HDAC9: variants seen among roughly 807,000 people sequenced by gnomAD.
HDAC9 encodes the protein MEF-2 interacting transcription repressor (MITR) protein.
Under a neutral mutation model 139.4 loss-of-function variants are expected in HDAC9, and 41 were observed. The ratio of observed to expected loss-of-function variants is 0.29; its 90% CI spans 0.23 to 0.38. The LOEUF (loss-of-function observed/expected upper bound fraction) is 0.38, where lower values mean the gene tolerates loss of function less well. HDAC9 is among the 10% of genes least tolerant of loss of function. The pLI, the probability that HDAC9 is intolerant of heterozygous loss-of-function variation, is 1.00. For missense variants in HDAC9, 1,147 were observed against 1,297.0 expected (o/e 0.88, Z 1.78); for synonymous variants, 517 against 476.2 (o/e 1.09, Z -1.12).
At chr7:18,549,497 A>C (rs1001874154) in intron 2 of HDAC9, among the ~76,000 whole-genome samples, 1 of 152,212 alleles carries the variant, frequency 6.6e-6, no homozygotes, top group African/African-American at 2.4e-5. Flanking sequence ...CTGTTGATAC[A>C]GACAACAGCT....
intron 2 of HDAC9, among the ~76,000 whole-genome samples, chr7:18,500,574 C>T (rs1798100748): frequency 6.6e-6 from 1 of 152,136 alleles, no homozygotes; most frequent in Admixed American, 6.6e-5. Flanking sequence ...ATTCCCAAAT[C>T]TGAAGAGAAG....
chr7:18,149,758 G>A (rs1203165782), intron 1 of HDAC9, among the ~76,000 whole-genome samples: 2 of 151,944 alleles, frequency 1.3e-5, no homozygotes, highest in African/African-American at 4.8e-5. Context: ...GTTTCACTGT[G>A]TTAGCCAGGA....
intron 6 of HDAC9, among the ~76,000 whole-genome samples, chr7:18,626,782 C>A (rs1232462088): frequency 6.6e-6 from 1 of 152,134 alleles, no homozygotes; most frequent in Admixed American, 6.6e-5. Context: ...CCTTAAAAAT[C>A]ATTTCTTTCT....
At chr7:18,778,894 G>C (rs1479041383) in intron 16 of HDAC9, among the ~76,000 whole-genome samples, 1 of 152,110 alleles carries the variant, frequency 6.6e-6, no homozygotes, top group South Asian at 2.1e-4. Flanking sequence ...GGAGCTGCCA[G>C]AAAGCAGTTG....
rs142364288 is a variant in HDAC9, at chr7:18,657,433, A to C, written c.1467+8750A>C. ...TCAATGATTAGCAAAGAAAATAAGG[A>C]TGCCTTTCCACACTGTGCCTCTATT... On this transcript the variant is annotated intron_variant, in intron 11 of 25. Transcript: ENST00000686413. Among the ~76,000 whole-genome samples the C allele has an allele frequency of 6.0e-3, 913 of 152,254 alleles. 7 individuals are homozygous for C. The highest frequency in any genetic ancestry group is 0.021 in the African/African-American group (877 of 41,558).
At chr7:18,106,015 G>A (rs1415020926) in intron 1 of HDAC9, among the ~76,000 whole-genome samples, 2 of 152,148 alleles carry the variant, frequency 1.3e-5, no homozygotes, top group African/African-American at 4.8e-5. Context: ...ATAGGAAATA[G>A]CCAAAGACTA....
intron 12 of HDAC9, among the ~76,000 whole-genome samples, chr7:18,700,048 G>A (rs1229881116): frequency 6.6e-6 from 1 of 151,970 alleles, no homozygotes; most frequent in African/African-American, 2.4e-5. Flanking sequence ...ACCTGTTTAC[G>A]AAAATTAGTC....
chr7:18,691,095 G>T (rs1041559069), intron 12 of HDAC9, among the ~76,000 whole-genome samples: 10 of 151,934 alleles, frequency 6.6e-5, no homozygotes, highest in Non-Finnish European at 1.5e-4. Context: ...ATTTACACAT[G>T]CATAGAAGGT....
At chr7:18,687,881 T>G (rs537046422) in intron 12 of HDAC9, among the ~76,000 whole-genome samples, 1 of 151,944 alleles carries the variant, frequency 6.6e-6, no homozygotes, top group South Asian at 2.1e-4. Flanking sequence ...TGTTTTAGTC[T>G]TTACCCAATA....
At chr7:18,521,427 A>T (rs1046763853) in intron 2 of HDAC9, among the ~76,000 whole-genome samples, 4 of 152,150 alleles carry the variant, frequency 2.6e-5, no homozygotes, top group African/African-American at 9.7e-5. Flanking sequence ...ATGCCTTGCG[A>T]TTTGTCACAA....
At chr7:18,122,292 T>C (rs189981860) in intron 1 of HDAC9, among the ~76,000 whole-genome samples, 97 of 152,252 alleles carry the variant, frequency 6.4e-4, no homozygotes, top group Non-Finnish European at 1.0e-3. Flanking sequence ...ATGGATATGT[T>C]ATATGAGGGC....
At chr7:18,629,268 T>C in intron 6 of HDAC9, 82 bp from the exon 7 acceptor site, 2 of 939,952 alleles carry the variant, frequency 2.1e-6, no homozygotes, top group Non-Finnish European at 1.4e-6. Flanking sequence ...GGGTGAGACT[T>C]TTTTTTTTTT....
intron 12 of HDAC9, among the ~76,000 whole-genome samples, chr7:18,690,949 C>A (rs1196048218): frequency 6.6e-6 from 1 of 151,990 alleles, no homozygotes; most frequent in South Asian, 2.1e-4. Flanking sequence ...TAGTTTTCCA[C>A]TAAGGGATTG....
intron 16 of HDAC9, among the ~76,000 whole-genome samples, chr7:18,770,214 A>T (rs1790171326): frequency 6.6e-6 from 1 of 152,162 alleles, no homozygotes; most frequent in East Asian, 1.9e-4. Flanking sequence ...AACAATGTCA[A>T]GGTTTCTGAA....
intron 16 of HDAC9, among the ~76,000 whole-genome samples, chr7:18,786,414 C>A: frequency 6.6e-6 from 1 of 151,488 alleles, no homozygotes. Context: ...GTGAATAGTA[C>A]CATGTGCTTC....
chr7:18,420,453 G>A (rs1789512084), intron 1 of HDAC9, among the ~76,000 whole-genome samples: 1 of 152,160 alleles, frequency 6.6e-6, no homozygotes. Context: ...ACAATAAACA[G>A]AGTTCCTGTT....
chr7:18,392,140 C>A (rs1453997409), intron 1 of HDAC9, among the ~76,000 whole-genome samples: 1 of 152,050 alleles, frequency 6.6e-6, no homozygotes, highest in Non-Finnish European at 1.5e-5. Flanking sequence ...AGTTGTATTA[C>A]CTGAGTGAGT....
chr7:18,228,791 C>T (rs1168619862), intron 2 of HDAC9, among the ~76,000 whole-genome samples: 4 of 152,126 alleles, frequency 2.6e-5, no homozygotes, highest in Non-Finnish European at 4.4e-5. Context: ...AAAAGATAGG[C>T]TGACTAGGGT....
chr7:18,394,598 G>A (rs1786850331), intron 1 of HDAC9, among the ~76,000 whole-genome samples: 1 of 152,046 alleles, frequency 6.6e-6, no homozygotes, highest in Admixed American at 6.6e-5. Flanking sequence ...TGTGTTATGT[G>A]TGGTTTTGTG....
Sources: gnomAD v4.1 joint callset for allele counts (sites outside exome capture counted in the v4.1 genomes callset) on GRCh38, gnomAD v4.1.1 for gene constraint, MANE v1.5 for transcripts, NCBI Gene and HGNC (gene_info 2026-07-23, HGNC 2026-07-21) for gene names.